The following TIAM1 variants were observed in gnomAD, a reference collection of about 807,000 sequenced individuals.
TIAM1 encodes TIAM Rac1 associated GEF 1, also known as rho guanine nucleotide exchange factor TIAM1.
In TIAM1, 65 loss-of-function variants were observed where a neutral mutation model predicts 163.5. The ratio of observed to expected loss-of-function variants is 0.40; its 90% CI spans 0.33 to 0.49. The LOEUF (loss-of-function observed/expected upper bound fraction) is 0.49, where lower values mean the gene tolerates loss of function less well. TIAM1 is among the 20% of genes least tolerant of loss of function. TIAM1 has a pLI of 0.77. For synonymous variants in TIAM1, 833 were observed against 810.1 expected, an observed-to-expected ratio of 1.03 and a Z score of -0.48; for missense variants, 1,789 against 2,044.7, an observed-to-expected ratio of 0.87 and a Z score of 2.41.
At chr21:31,529,422 T>C (rs2047903795) in intron 1 of TIAM1, among the ~76,000 whole-genome samples, 1 of 151,876 alleles carries the variant, frequency 6.6e-6, no homozygotes, top group South Asian at 2.1e-4. Context: ...TAATTTTGAG[T>C]TCCAAGCATA....
intron 2 of TIAM1, among the ~76,000 whole-genome samples, chr21:31,306,127 T>A (rs80087779): frequency 6.9e-6 from 1 of 144,094 alleles, no homozygotes; most frequent in East Asian, 2.1e-4. Context: ...CTACAAAAAA[T>A]TTAAAAATAA....
At position 31,210,593 on chromosome 21, in the gene TIAM1, AGAGAGAAAGAAG is replaced by A. The variant is rs1569031403; in HGVS notation, c.2218-390_2218-379del. Among the ~76,000 whole-genome samples the A allele has an allele frequency of 1.1e-4, 9 of 80,880 alleles. 1 individual carries two copies. The highest frequency in any genetic ancestry group is 6.3e-4 in the African/African-American group (9 of 14,208). The allele number at this position is 80,880 out of a possible 152,430, so 53.1% of individuals were successfully genotyped here. The stretch of plus-strand genomic sequence containing the variant: ...AAGAAAGAAAGAAAGAAAGAAAGAA[AGAGAGAAAGAAG>A]GAAGGAAGGGAGAAAGAAAGAAAGA... On this transcript the variant is annotated intron_variant, in intron 10 of 27. Coordinates refer to ENST00000541036, the MANE Select transcript of TIAM1 (RefSeq NM_001353694.2).
intron 15 of TIAM1, among the ~76,000 whole-genome samples, chr21:31,168,466 T>C (rs1310279794): frequency 1.3e-5 from 2 of 152,022 alleles, no homozygotes; most frequent in Non-Finnish European, 2.9e-5. Flanking sequence ...AGTGGCGCAA[T>C]CTCGGCTCAC....
chr21:31,328,547 T>A (rs902826542), intron 2 of TIAM1, among the ~76,000 whole-genome samples: 4 of 151,602 alleles, frequency 2.6e-5, no homozygotes, highest in African/African-American at 7.3e-5. Flanking sequence ...ATTATTATTT[T>A]TTTTTTTTAT....
rs745797042 is a variant in TIAM1 at position 31,152,280 on chromosome 21, G to A, written c.3366+356C>T. On this transcript the variant is annotated intron_variant, in intron 19 of 27. Coordinates refer to ENST00000541036, the MANE Select transcript of TIAM1 (RefSeq NM_001353694.2). ...ACTCCTGACCTCAGGTGATCTGCCC[G>A]CCTTGGCCTCCCAAAGTGCTGGGAT... is the stretch of plus-strand genomic sequence containing the variant. 6.6e-5 allele frequency among the ~76,000 whole-genome samples: 10 copies of A among 152,208 alleles called. No homozygotes were observed. In the East Asian group the frequency reaches 7.7e-4, roughly 12 times the overall value.
At chr21:31,267,567 A>C (rs2072851947) in intron 3 of TIAM1, among the ~76,000 whole-genome samples, 2 of 146,204 alleles carry the variant, frequency 1.4e-5, no homozygotes, top group South Asian at 4.3e-4. Context: ...CTTCAAAATC[A>C]ATCAAAAATG....
intron 2 of TIAM1, among the ~76,000 whole-genome samples, chr21:31,332,857 C>G (rs845951): frequency 0.35 from 53,288 of 151,720 alleles, 10,549 homozygotes; most frequent in African/African-American, 0.54. Flanking sequence ...AGACATCTGC[C>G]CAAACTAGAT....
chr21:31,388,056 C>T (rs1046539684), intron 2 of TIAM1, among the ~76,000 whole-genome samples: 9 of 152,094 alleles, frequency 5.9e-5, no homozygotes, highest in East Asian at 1.9e-4. Flanking sequence ...CTTCACTCTC[C>T]GTCACAATTA....
intron 2 of TIAM1, among the ~76,000 whole-genome samples, chr21:31,407,153 A>G (rs1020685839): frequency 6.6e-6 from 1 of 152,222 alleles, no homozygotes; most frequent in Non-Finnish European, 1.5e-5. Context: ...AGTGTTGCCA[A>G]TCACACAAAG....
intron 2 of TIAM1, among the ~76,000 whole-genome samples, chr21:31,451,228 A>G (rs2044826772): frequency 6.6e-6 from 1 of 152,180 alleles, no homozygotes; most frequent in African/African-American, 2.4e-5. Flanking sequence ...GGCCACAGGC[A>G]TGCCACAGCA....
rs915488040 is a variant in TIAM1 at position 31,251,781 on chromosome 21, T to C, written c.1372A>G (p.Thr458Ala). 1.2e-5 allele frequency: 20 copies of C among 1,607,708 alleles called. No homozygotes were observed. Among genetic ancestry groups the C allele is most frequent in the Non-Finnish European group, 1.7e-5 (20 of 1,175,438 alleles). ...HKKNKKVESA[T>A]RRKWKHYWVS... ...CAGTAGTGCTTCCACTTCCTCCGGG[T>C]GGCTGACTCCACCTTCTTGTTCTTC... The change falls in exon 5 of 28, where the codon ACC (threonine) becomes GCC (alanine). Residue 458 changes from threonine to alanine, a missense_variant. By Grantham distance (58) the Thr-to-Ala change is moderately conservative. This residue lies in a region of TIAM1 where 456 missense variants were observed against 586.6 expected (regional missense o/e 0.78). Transcript: ENST00000541036.
intron 8 of TIAM1, among the ~76,000 whole-genome samples, chr21:31,222,682 T>G (rs1172305411): frequency 2.8e-5 from 1 of 35,822 alleles, no homozygotes; most frequent in African/African-American, 9.5e-5. Context: ...CATACATATA[T>G]ATATATATAT....
intron 1 of TIAM1, among the ~76,000 whole-genome samples, chr21:31,339,805 T>C (rs1264527022): frequency 6.6e-6 from 1 of 152,166 alleles, no homozygotes; most frequent in Admixed American, 6.5e-5. Flanking sequence ...CCAAAAGTGA[T>C]GATCTCTTCC....
chr21:31,441,160 T>C (rs912125258), intron 2 of TIAM1, among the ~76,000 whole-genome samples: 4 of 152,190 alleles, frequency 2.6e-5, no homozygotes, highest in Non-Finnish European at 4.4e-5. Flanking sequence ...TCAATTTCTC[T>C]CTTCATCTTA....
intron 8 of TIAM1, among the ~76,000 whole-genome samples, chr21:31,219,740 A>G (rs1008105722): frequency 1.3e-5 from 2 of 150,390 alleles, no homozygotes; most frequent in African/African-American, 5.0e-5. Flanking sequence ...TTAAAAAAAC[A>G]AAACAAAACA....
At chr21:31,375,999 C>T (rs1321964674) in intron 2 of TIAM1, among the ~76,000 whole-genome samples, 1 of 151,552 alleles carries the variant, frequency 6.6e-6, no homozygotes, top group Non-Finnish European at 1.5e-5. Context: ...TGCACTCCGG[C>T]CTAGGTGACA....
At chr21:31,350,008 T>C (rs187232359) in intron 2 of TIAM1, among the ~76,000 whole-genome samples, 3 of 152,384 alleles carry the variant, frequency 2.0e-5, no homozygotes, top group Non-Finnish European at 4.4e-5. Flanking sequence ...ACCCTGTTTC[T>C]TAAACGATCT....
chr21:31,306,100 C>T (rs2074700198), intron 2 of TIAM1, among the ~76,000 whole-genome samples: 2 of 146,216 alleles, frequency 1.4e-5, no homozygotes, highest in African/African-American at 2.6e-5. Flanking sequence ...GCCTGGCAAC[C>T]CACCAAGACC....
rs571884850 is a variant in TIAM1, at chr21:31,154,524, A to G, written c.2992-98T>C. The G allele has an allele frequency of 7.8e-4, 960 of 1,232,928 alleles. 3 individuals carry two copies. Among genetic ancestry groups the G allele is most frequent in the Non-Finnish European group, 9.8e-4 (877 of 892,810 alleles). 76.4% of individuals were successfully genotyped at this position (1,232,928 alleles called of 1,614,324 possible). A position where few individuals can be genotyped will look rare whatever the true frequency, so the allele number is the denominator to read the frequency against. On this transcript the variant is annotated intron_variant, in intron 16 of 27. Transcript: ENST00000541036. ...CTAGAGGTGTTCTCCCTGGTTAGTC[A>G]ACTGTCACATATGAATGTCGTCTTG...
Sources: gnomAD v4.1 joint callset for allele counts (sites outside exome capture counted in the v4.1 genomes callset) on GRCh38, gnomAD v4.1.1 for gene constraint, gnomAD v4.1.1 regional missense constraint, MANE v1.5 for transcripts, NCBI Gene and HGNC (gene_info 2026-07-23, HGNC 2026-07-21) for gene names.